Variants in ZNF521 observed in about 807,000 individuals in gnomAD.
The protein encoded by ZNF521 is LYST-interacting protein 3.
ZNF521 carries 14 observed loss-of-function variants against 105.5 expected under a neutral mutation model. The ratio of observed to expected loss-of-function variants is 0.13; its 90% confidence interval spans 0.09 to 0.21. The LOEUF is 0.21. ZNF521 is among the 10% of genes least tolerant of loss of function. The probability of loss-of-function intolerance (pLI) is 1.00; values close to 1 mark genes in which losing one functional copy is unlikely to be tolerated. For missense variants in ZNF521, 1,233 were observed against 1,629.7 expected (o/e 0.76, Z 4.19); for synonymous variants, 635 against 606.0 (o/e 1.05, Z -0.70).
At chr18:25,111,519 A>G (rs2034189597) in intron 5 of ZNF521, among the ~76,000 whole-genome samples, 1 of 152,230 alleles carries the variant, frequency 6.6e-6, no homozygotes, top group South Asian at 2.1e-4. Context: ...GCATCATACT[A>G]GTCTCTCAAG....
chr18:25,337,119 A>ATATTT (rs1469748619), intron 2 of ZNF521, among the ~76,000 whole-genome samples: 2 of 152,204 alleles, frequency 1.3e-5, no homozygotes, highest in Non-Finnish European at 2.9e-5. Context: ...AATGTTTGCT[A>ATATTT]AGCACCTACT....
At chr18:25,063,968 C>G (rs909903242) in intron 7 of ZNF521, among the ~76,000 whole-genome samples, 1 of 152,236 alleles carries the variant, frequency 6.6e-6, no homozygotes, top group African/African-American at 2.4e-5. Flanking sequence ...TAGGTCTTGT[C>G]TCATGATTAT....
intron 7 of ZNF521, among the ~76,000 whole-genome samples, chr18:25,081,387 T>C (rs1259577670): frequency 6.6e-6 from 1 of 152,144 alleles, no homozygotes; most frequent in East Asian, 1.9e-4. Flanking sequence ...AAGAAATTAA[T>C]GGATGGAGAA....
intron 3 of ZNF521, among the ~76,000 whole-genome samples, chr18:25,229,125 T>C (rs1234096841): frequency 6.6e-6 from 1 of 152,234 alleles, no homozygotes; most frequent in Non-Finnish European, 1.5e-5. Context: ...AAATGATTAA[T>C]ATAAAAGTAG....
chr18:25,102,712 G>T (rs1489320822), intron 5 of ZNF521, among the ~76,000 whole-genome samples: 1 of 151,948 alleles, frequency 6.6e-6, no homozygotes, highest in Non-Finnish European at 1.5e-5. Flanking sequence ...ACACACCCAT[G>T]ACAGAAAAGC....
chr18:25,193,543 A>G (rs2035853789), intron 5 of ZNF521, among the ~76,000 whole-genome samples: 1 of 152,034 alleles, frequency 6.6e-6, no homozygotes, highest in African/African-American at 2.4e-5. Context: ...AACACAGTCT[A>G]CTCAAGAAAT....
chr18:25,340,010 T>A (rs565616526), intron 2 of ZNF521, among the ~76,000 whole-genome samples: 1 of 152,280 alleles, frequency 6.6e-6, no homozygotes, highest in East Asian at 1.9e-4. Context: ...GGCAAATAGA[T>A]GAACATGAAT....
At chr18:25,159,325 C>T (rs923638090) in intron 5 of ZNF521, among the ~76,000 whole-genome samples, 2 of 152,064 alleles carry the variant, frequency 1.3e-5, no homozygotes, top group Non-Finnish European at 2.9e-5. Flanking sequence ...TGCTATGTTG[C>T]CCAAAGTTTG....
At chr18:25,213,786 ATT>A (rs757986484) in intron 4 of ZNF521, among the ~76,000 whole-genome samples, 36 of 152,278 alleles carry the variant, frequency 2.4e-4, no homozygotes, top group Non-Finnish European at 4.7e-4. Context: ...TCAACAATTT[ATT>A]AAACTCTTTA....
At chr18:25,088,729 T>TA in intron 7 of ZNF521, among the ~76,000 whole-genome samples, 1 of 152,176 alleles carries the variant, frequency 6.6e-6, no homozygotes, top group South Asian at 2.1e-4. Flanking sequence ...ACTCATTTTT[T>TA]TTAAACTACC....
intron 2 of ZNF521, among the ~76,000 whole-genome samples, chr18:25,348,484 C>T (rs771273059): frequency 6.6e-6 from 1 of 151,988 alleles, no homozygotes; most frequent in Non-Finnish European, 1.5e-5. Context: ...AAAAACAATC[C>T]GCTCTTCAGT....
At chr18:25,161,126 G>A (rs1044171142) in intron 5 of ZNF521, among the ~76,000 whole-genome samples, 3 of 152,070 alleles carry the variant, frequency 2.0e-5, no homozygotes, top group Admixed American at 6.6e-5. Context: ...GGCTTGTGAC[G>A]GGAGCACCTC....
At chr18:25,327,316 A>T in intron 2 of ZNF521, 3 of 492,268 alleles carry the variant, frequency 6.1e-6, no homozygotes, top group Non-Finnish European at 8.0e-6. Context: ...AAATCACTGC[A>T]AATGATGCAT....
intron 5 of ZNF521, among the ~76,000 whole-genome samples, chr18:25,141,620 T>C (rs1221931351): frequency 1.3e-5 from 2 of 152,190 alleles, no homozygotes; most frequent in African/African-American, 2.4e-5. Flanking sequence ...TTACACTCTT[T>C]GTAGTCTACA....
At chr18:25,305,216 G>GCTTA (rs1911906067) in intron 3 of ZNF521, among the ~76,000 whole-genome samples, 1 of 152,114 alleles carries the variant, frequency 6.6e-6, no homozygotes, top group South Asian at 2.1e-4. Flanking sequence ...ATTCCATGAT[G>GCTTA]CTTACGCTTG....
chr18:25,085,750 G>A (rs1181070941), intron 7 of ZNF521, among the ~76,000 whole-genome samples: 3 of 149,668 alleles, frequency 2.0e-5, no homozygotes, highest in African/African-American at 7.4e-5. Context: ...GCATATATAC[G>A]CATATATATA....
At chr18:25,124,541 TG>T (rs1236138031) in intron 5 of ZNF521, among the ~76,000 whole-genome samples, 1 of 152,188 alleles carries the variant, frequency 6.6e-6, no homozygotes, top group Non-Finnish European at 1.5e-5. Flanking sequence ...CTTTATTTTT[TG>T]CTTCTTCTAT....
chr18:25,121,501 T>C (rs2034443498), intron 5 of ZNF521, among the ~76,000 whole-genome samples: 1 of 152,010 alleles, frequency 6.6e-6, no homozygotes, highest in African/African-American at 2.4e-5. Flanking sequence ...TCTGCCCTCC[T>C]TGGCCTCTCA....
intron 3 of ZNF521, among the ~76,000 whole-genome samples, chr18:25,235,132 G>A (rs1476908282): frequency 2.6e-5 from 4 of 152,278 alleles, no homozygotes; most frequent in East Asian, 3.9e-4. Context: ...TCCACACAAC[G>A]AAAGGGCCTG....
Sources: gnomAD v4.1 joint callset for allele counts (sites outside exome capture counted in the v4.1 genomes callset) on GRCh38, gnomAD v4.1.1 for gene constraint, MANE v1.5 for transcripts, NCBI Gene and HGNC (gene_info 2026-07-23, HGNC 2026-07-21) for gene names.